The following RPS6KA3 variants were observed in gnomAD, a reference collection of about 807,000 sequenced individuals.
RPS6KA3 encodes ribosomal protein S6 kinase A3.
Under a neutral mutation model 67.2 loss-of-function variants are expected in RPS6KA3, and 4 were observed. The observed-to-expected ratio is 0.06, with a 90% CI of 0.03 to 0.14. The LOEUF (loss-of-function observed/expected upper bound fraction) is 0.14. Among genes scored for constraint, RPS6KA3 ranks in the 10% least tolerant of loss-of-function variants. The pLI is 1.00. For synonymous variants in RPS6KA3, 182 were observed against 183.7 expected (o/e 0.99, Z 0.07); for missense variants, 204 against 559.0 (o/e 0.36, Z 6.40).
intron 2 of RPS6KA3, among the ~76,000 whole-genome samples, chrX:20,211,864 T>A (rs960751868): frequency 8.9e-6 from 1 of 112,078 alleles, no homozygotes; most frequent in South Asian, 3.7e-4. Context: ...AATCATGAGG[T>A]CATGAAGAAC....
chrX:20,168,547 T>C (rs940854306), intron 16 of RPS6KA3, among the ~76,000 whole-genome samples: 2 of 111,401 alleles, frequency 1.8e-5, no homozygotes, highest in African/African-American at 6.5e-5. Context: ...GGAAGTTAAA[T>C]GGGTAGTTAT....
chrX:20,205,519 A>G (rs1024141048), intron 3 of RPS6KA3, among the ~76,000 whole-genome samples: 1 of 111,921 alleles, frequency 8.9e-6, no homozygotes, highest in African/African-American at 3.3e-5. Context: ...GAGCACCACA[A>G]CTCGCGGAGA....
chrX:20,255,790 A>C (rs1047113494), intron 1 of RPS6KA3, among the ~76,000 whole-genome samples: 1 of 527 alleles, frequency 1.9e-3, no homozygotes, highest in Non-Finnish European at 6.2e-3. Context: ...ATTTCGTCTC[A>C]AAAAAAAAAA....
chrX:20,155,396 C>T lies in RPS6KA3; in HGVS notation c.*2G>A. ...GGTACCAAATATCTCACTGAGGTCA[C>T]TTCACAGGGCTGTTGAGGTGATTTT... On this transcript the variant is annotated 3_prime_UTR_variant, in exon 22 of 22. Coordinates refer to ENST00000379565, the MANE Select transcript of RPS6KA3 (RefSeq NM_004586.3). 1.7e-6 allele frequency: 2 copies of T among 1,210,875 alleles called. No homozygotes were observed. The highest frequency in any genetic ancestry group is 2.2e-6 in the Non-Finnish European group (2 of 895,170).
At chrX:20,215,797 C>T (rs765872557) in intron 2 of RPS6KA3, among the ~76,000 whole-genome samples, 4 of 112,051 alleles carry the variant, frequency 3.6e-5, no homozygotes, top group Admixed American at 9.5e-5. Context: ...ATCAGATTTC[C>T]AAGGGCAGTG....
chrX:20,249,699 C>T (rs2069809010), intron 1 of RPS6KA3, among the ~76,000 whole-genome samples: 1 of 111,896 alleles, frequency 8.9e-6, no homozygotes, highest in African/African-American at 3.2e-5. Flanking sequence ...AATACAAGTC[C>T]GGTCTCAGTT....
At chrX:20,193,648 T>C (rs1010888776) in intron 6 of RPS6KA3, 55 bp from the exon 7 acceptor site, 2 of 754,458 alleles carry the variant, frequency 2.7e-6, no homozygotes, top group African/African-American at 4.2e-5. Context: ...TCTGTAATTT[T>C]TAAAGTTCCA....
In RPS6KA3 at chrX:20,151,269, G is replaced by C. The variant is rs1477075893; in HGVS notation, c.*4129C>G. On this transcript the variant is annotated 3_prime_UTR_variant, in exon 22 of 22. Coordinates refer to ENST00000379565, the MANE Select transcript of RPS6KA3 (RefSeq NM_004586.3). ...TCATTGGAAAAAGTGGTTAAGTGTG[G>C]CTCTGTTGAATACCACAGTCCCAAT... 2.7e-5 allele frequency: 3 copies of C among 112,523 alleles called. No homozygotes were observed. Among genetic ancestry groups the C allele is most frequent in the Non-Finnish European group, 5.6e-5 (3 of 53,266 alleles). 9.3% of individuals were successfully genotyped at this position (112,523 alleles called of 1,213,427 possible).
chrX:20,182,532 G>A (rs770132128), intron 10 of RPS6KA3, among the ~76,000 whole-genome samples: 6 of 112,487 alleles, frequency 5.3e-5, no homozygotes, highest in African/African-American at 1.9e-4. Context: ...GGCCCACAGA[G>A]CGTAAATACA....
chrX:20,240,607 TA>T, intron 1 of RPS6KA3: 1 of 453,772 alleles, frequency 2.2e-6, no homozygotes, highest in Non-Finnish European at 2.7e-6. Context: ...TCATTTATCC[TA>T]AGGAAATATC....
At chrX:20,250,357 T>C (rs1348644058) in intron 1 of RPS6KA3, among the ~76,000 whole-genome samples, 6 of 111,209 alleles carry the variant, frequency 5.4e-5, no homozygotes, top group Non-Finnish European at 1.1e-4. Flanking sequence ...CCTTGCTAAT[T>C]TTTTAAAAAA....
intron 4 of RPS6KA3, among the ~76,000 whole-genome samples, chrX:20,201,183 T>G (rs2148715300): frequency 8.9e-6 from 1 of 111,882 alleles, no homozygotes; most frequent in South Asian, 3.8e-4. Context: ...TCACCCAGGC[T>G]GGAGTACAGT....
At chrX:20,257,722 A>T (rs1442410556) in intron 1 of RPS6KA3, among the ~76,000 whole-genome samples, 1 of 112,644 alleles carries the variant, frequency 8.9e-6, no homozygotes, top group African/African-American at 3.2e-5. Context: ...TTTATCCAAT[A>T]ATATAGAAGA....
At chrX:20,186,473 T>A in intron 9 of RPS6KA3, 107 bp from the exon 10 acceptor site, 1 of 521,378 alleles carries the variant, frequency 1.9e-6, no homozygotes, top group Non-Finnish European at 3.3e-6. Context: ...CCAAATATTC[T>A]AAAATTGCTA....
At chrX:20,247,160 C>T (rs962929480) in intron 1 of RPS6KA3, among the ~76,000 whole-genome samples, 6 of 111,989 alleles carry the variant, frequency 5.4e-5, no homozygotes, top group Non-Finnish European at 9.4e-5. Flanking sequence ...CTAGGCTGGG[C>T]GCAGTGGCTC....
chrX:20,261,734 T>C, intron 1 of RPS6KA3, among the ~76,000 whole-genome samples: 1 of 112,153 alleles, frequency 8.9e-6, no homozygotes, highest in Non-Finnish European at 1.9e-5. Context: ...AATATGGTAG[T>C]TTTTACTGAA....
At chrX:20,246,829 G>C (rs2069703012) in intron 1 of RPS6KA3, among the ~76,000 whole-genome samples, 1 of 111,998 alleles carries the variant, frequency 8.9e-6, no homozygotes. Context: ...AATGGTACTT[G>C]CTCAAATACA....
rs1176398352 is a variant in RPS6KA3, at chrX:20,266,723, AGCGGCGGCGGCG to A, written c.-103_-92del. Reference sequence around the variant, plus strand: ...TCCGTCGCCGCCCGAGCCCCACGGCAGCGGCGGCGGCGGCGGCGGCGGCGGCAGCGGCAGCGG... The same window carrying A: ...TCCGTCGCCGCCCGAGCCCCACGGCAGCGGCGGCGGCGGCAGCGGCAGCGG... On this transcript the variant is annotated 5_prime_UTR_variant, in exon 1 of 22. Coordinates refer to ENST00000379565, the MANE Select transcript of RPS6KA3 (RefSeq NM_004586.3). 1.3e-5 allele frequency: 7 copies of A among 525,419 alleles called. No individual in the cohort carries two copies. The highest frequency in any genetic ancestry group is 1.5e-5 in the Non-Finnish European group (7 of 452,133). 43.3% of individuals were successfully genotyped at this position (525,419 alleles called of 1,213,427 possible). A position where few individuals can be genotyped will look rare whatever the true frequency, so the allele number is the denominator to read the frequency against.
intron 3 of RPS6KA3, among the ~76,000 whole-genome samples, chrX:20,204,540 T>C (rs2068527035): frequency 8.9e-6 from 1 of 112,155 alleles, no homozygotes; most frequent in Admixed American, 9.4e-5. Context: ...AAGTATTCAC[T>C]GATGGAGGGT....
Sources: gnomAD v4.1 joint callset for allele counts (sites outside exome capture counted in the v4.1 genomes callset) on GRCh38, gnomAD v4.1.1 for gene constraint, MANE v1.5 for transcripts, NCBI Gene and HGNC (gene_info 2026-07-23, HGNC 2026-07-21) for gene names.